MAP4K5: variants seen among roughly 807,000 people sequenced by gnomAD.
The protein encoded by MAP4K5 is mitogen-activated protein kinase kinase kinase kinase 5, also known as MAPK/ERK kinase kinase kinase 5.
In MAP4K5, 82 loss-of-function variants were observed where a neutral mutation model predicts 135.6. That is an observed-to-expected ratio of 0.60 (90% CI 0.51 to 0.73). The LOEUF (loss-of-function observed/expected upper bound fraction) is 0.73, where lower values mean the gene tolerates loss of function less well. Among genes scored for constraint, MAP4K5 ranks in the 30% least tolerant of loss-of-function variants. The pLI is 0.00. For synonymous variants in MAP4K5, 347 were observed against 335.0 expected (o/e 1.04, Z -0.39); for missense variants, 907 against 1,010.9 (o/e 0.90, Z 1.39).
chr14:50,546,197 C>A (rs1191260843), intron 1 of MAP4K5, among the ~76,000 whole-genome samples: 1 of 152,064 alleles, frequency 6.6e-6, no homozygotes, highest in Non-Finnish European at 1.5e-5. Flanking sequence ...CTACTTTACC[C>A]CAAATTTTTG....
At chr14:50,423,040 A>T in intron 32 of MAP4K5, 81 bp downstream of exon 32, 1 of 611,700 alleles carries the variant, frequency 1.6e-6, no homozygotes, top group Non-Finnish European at 2.8e-6. Flanking sequence ...TTTGTTTGAA[A>T]CAATTACAGA....
chr14:50,522,531 C>T (rs1217411694), intron 2 of MAP4K5, among the ~76,000 whole-genome samples: 4 of 152,130 alleles, frequency 2.6e-5, no homozygotes, highest in East Asian at 3.8e-4. Context: ...AGTAGCACAT[C>T]ATCCCAATAA....
rs756052026 is a variant in MAP4K5, at chr14:50,447,425, T to C, written c.1131A>G (p.Ala377=). 1.6e-5 allele frequency: 25 copies of C among 1,548,082 alleles called. No homozygotes were observed. The highest frequency in any genetic ancestry group is 2.0e-5 in the Non-Finnish European group (23 of 1,143,940). Residue 377 remains alanine (A), a synonymous_variant, in exon 16 of 33, where the codon GCA becomes GCG. Coordinates refer to ENST00000682126, the MANE Select transcript of MAP4K5 (RefSeq NM_006575.6). The part of the protein sequence containing the change: ...MLQWNPFVDG[A]NTGKSTSKRA... ...AGAAAACAACTTACTTGCCAGTATT[T>C]GCACCATCAACAAAAGGATTCCACT... is the stretch of plus-strand genomic sequence containing the variant.
intron 22 of MAP4K5, 26 bp from the exon 23 acceptor site, chr14:50,440,099 T>A: frequency 8.0e-7 from 1 of 1,255,416 alleles, no homozygotes; most frequent in Non-Finnish European, 1.1e-6. Flanking sequence ...TAATTAAGAT[T>A]CTCTCATTGT....
chr14:50,486,367 C>T (rs1334144780), intron 3 of MAP4K5, among the ~76,000 whole-genome samples, 173 bp from the exon 4 acceptor site: 1 of 151,980 alleles, frequency 6.6e-6, no homozygotes, highest in Non-Finnish European at 1.5e-5. Flanking sequence ...TTAAAATATA[C>T]AGAATCTTTG....
At chr14:50,473,716 CTTTTTT>C (rs398077753) in intron 9 of MAP4K5, among the ~76,000 whole-genome samples, 1,112 of 95,448 alleles carry the variant, frequency 0.012, 3 homozygotes, top group Non-Finnish European at 0.016. Flanking sequence ...TTTGGTTTCA[CTTTTTT>C]TTTTTTTTTT....
intron 31 of MAP4K5, among the ~76,000 whole-genome samples, chr14:50,423,548 C>CTTGA (rs566493988): frequency 1.4e-3 from 219 of 151,998 alleles, no homozygotes; most frequent in Non-Finnish European, 2.8e-3. Flanking sequence ...GGGGCCAAGG[C>CTTGA]TTGAGGTCAG....
chr14:50,542,223 T>C (rs1175653889), intron 2 of MAP4K5, among the ~76,000 whole-genome samples: 1 of 135,566 alleles, frequency 7.4e-6, no homozygotes, highest in Admixed American at 8.6e-5. Context: ...TAAGTGAGAG[T>C]TGAACAATGA....
chr14:50,542,243 G>A (rs962925916), intron 2 of MAP4K5, among the ~76,000 whole-genome samples: 1 of 131,992 alleles, frequency 7.6e-6, no homozygotes, highest in African/African-American at 2.8e-5. Flanking sequence ...AGAACACGTG[G>A]ACACAGGGAG....
In MAP4K5 at chr14:50,468,788, A is replaced by C. The variant is rs377425226; in HGVS notation, c.543-6T>G. The C allele has an allele frequency of 6.2e-7, 1 of 1,604,070 alleles. No individual in the cohort carries two copies. The highest frequency in any genetic ancestry group is 8.5e-7 in the Non-Finnish European group (1 of 1,174,530). ...CTGCAACTTCTGGGGCCATCCTAGA[A>C]GGAATCAATGAATACAACATTTTTG... On this transcript the variant is annotated splice_polypyrimidine_tract_variant and splice_region_variant and intron_variant, in intron 9 of 32. Coordinates refer to ENST00000682126, the MANE Select transcript of MAP4K5 (RefSeq NM_006575.6).
chr14:50,540,762 G>A (rs2038550784), intron 2 of MAP4K5, among the ~76,000 whole-genome samples: 1 of 152,112 alleles, frequency 6.6e-6, no homozygotes, highest in Non-Finnish European at 1.5e-5. Context: ...TCCTACATTA[G>A]GTTTCTAGGG....
intron 4 of MAP4K5, 149 bp from the exon 5 acceptor site, chr14:50,485,791 A>T: frequency 3.5e-6 from 2 of 578,548 alleles, no homozygotes; most frequent in Non-Finnish European, 6.0e-6. Context: ...CAATATACAG[A>T]AAAGCACATT....
At chr14:50,543,635 C>T (rs536407924) in intron 1 of MAP4K5, among the ~76,000 whole-genome samples, 168 of 152,282 alleles carry the variant, frequency 1.1e-3, no homozygotes, top group African/African-American at 3.9e-3. Context: ...AAGGATCAAT[C>T]GTGGTGCTGG....
At chr14:50,537,543 C>T (rs1004495899), upstream of MAP4K5, among the ~76,000 whole-genome samples, 7 of 152,298 alleles carry the variant, frequency 4.6e-5, no homozygotes, top group African/African-American at 7.2e-5. Context: ...CAGCTTGCAC[C>T]GTGCACCTGG....
chr14:50,482,354 A>C lies in MAP4K5; in HGVS notation c.378+7T>G. 6.8e-7 allele frequency: 1 copy of C among 1,473,352 alleles called. No individual in the cohort carries two copies. The highest frequency in any genetic ancestry group is 9.0e-7 in the Non-Finnish European group (1 of 1,107,822). The allele number at this position is 1,473,352 out of a possible 1,614,324, so 91.3% of individuals were successfully genotyped here. On this transcript the variant is annotated splice_region_variant and intron_variant, in intron 6 of 32. Coordinates refer to ENST00000682126, the MANE Select transcript of MAP4K5 (RefSeq NM_006575.6). ...GCCTTTCTAACTATATTAAGAAAAT[A>C]TAGTACCTGTAAGGTTTCTCTGCAT...
At chr14:50,453,169 C>T (rs1566650905) in intron 14 of MAP4K5, among the ~76,000 whole-genome samples, 1 of 151,866 alleles carries the variant, frequency 6.6e-6, no homozygotes, top group African/African-American at 2.4e-5. Flanking sequence ...TAGGCTTATA[C>T]TCTTCGTGAA....
Position 50,504,875 on chromosome 14 carries a change from A to G in MAP4K5, c.109-18T>C. 6.6e-7 allele frequency: 1 copy of G among 1,505,964 alleles called. No individual in the cohort carries two copies. Among genetic ancestry groups the G allele is most frequent in the Non-Finnish European group, 8.9e-7 (1 of 1,122,536 alleles). The allele number at this position is 1,505,964 out of a possible 1,614,324, so 93.3% of individuals were successfully genotyped here. On this transcript the variant is annotated intron_variant, in intron 2 of 32. Transcript: ENST00000682126. ...TTTCTGGCCTAAAAATAAAATAAAA[A>G]CAAAAATCTTGTTAATTAAAAGCTT...
intron 2 of MAP4K5, among the ~76,000 whole-genome samples, chr14:50,528,267 C>T (rs917200474): frequency 6.6e-6 from 1 of 152,126 alleles, no homozygotes; most frequent in Non-Finnish European, 1.5e-5. Flanking sequence ...AGATTGAACT[C>T]TCCCTCTTGG....
chr14:50,503,291 T>C (rs2037744911), intron 3 of MAP4K5, among the ~76,000 whole-genome samples: 1 of 152,038 alleles, frequency 6.6e-6, no homozygotes, highest in African/African-American at 2.4e-5. Context: ...TAAGATCACA[T>C]CATCAATATT....
Sources: gnomAD v4.1 joint callset for allele counts (sites outside exome capture counted in the v4.1 genomes callset) on GRCh38, gnomAD v4.1.1 for gene constraint, MANE v1.5 for transcripts, NCBI Gene and HGNC (gene_info 2026-07-23, HGNC 2026-07-21) for gene names.